Variants in CPED1 observed in about 807,000 individuals in gnomAD.
The protein encoded by CPED1 is cadherin-like and PC-esterase domain-containing protein 1.
In CPED1, 114 loss-of-function variants were observed where a neutral mutation model predicts 128.2. The ratio of observed to expected loss-of-function variants is 0.89; its 90% CI spans 0.76 to 1.04. The LOEUF (loss-of-function observed/expected upper bound fraction) is 1.04, where lower values mean the gene tolerates loss of function less well. CPED1 is among the 50% of genes least tolerant of loss of function. The pLI is 0.00. For missense variants in CPED1, 1,211 were observed against 1,207.1 expected, an observed-to-expected ratio of 1.00 and a Z score of -0.05; for synonymous variants, 462 against 426.7, an observed-to-expected ratio of 1.08 and a Z score of -1.02.
At chr7:121,166,011 A>G (rs1796514111) in intron 16 of CPED1, among the ~76,000 whole-genome samples, 1 of 152,202 alleles carries the variant, frequency 6.6e-6, no homozygotes, top group Admixed American at 6.5e-5. Flanking sequence ...ACAAATCAAC[A>G]TCCTTCTTAT....
At chr7:121,119,712 CCTTT>C (rs754474780) in intron 7 of CPED1, among the ~76,000 whole-genome samples, 1 of 151,808 alleles carries the variant, frequency 6.6e-6, no homozygotes, top group Non-Finnish European at 1.5e-5. Flanking sequence ...GTATCATAAT[CCTTT>C]CTAAGTGTAT....
At chr7:121,168,157 G>A (rs370807231) in intron 16 of CPED1, among the ~76,000 whole-genome samples, 5 of 152,192 alleles carry the variant, frequency 3.3e-5, no homozygotes, top group African/African-American at 7.2e-5. Flanking sequence ...CTATCATAGC[G>A]GGAGGCTCTC....
In CPED1 at chr7:121,265,301, G is replaced by A. The variant is rs1453657575; in HGVS notation, c.2311-926G>A. Reference sequence around the variant, plus strand: ...TGAATCCTGGGTTCTCCATTTAGTAGATTTATGTCCTCCATCTTCCTGACC... The same window carrying A: ...TGAATCCTGGGTTCTCCATTTAGTAAATTTATGTCCTCCATCTTCCTGACC... On this transcript the variant is annotated intron_variant, in intron 18 of 22. Coordinates refer to ENST00000310396, the MANE Select transcript of CPED1 (RefSeq NM_024913.5). Among the ~76,000 whole-genome samples, 3 of 151,998 alleles carry A rather than the reference G, an allele frequency of 2.0e-5. No homozygotes were observed. In the East Asian group the frequency reaches 5.8e-4, roughly 29 times the overall value.
intron 5 of CPED1, among the ~76,000 whole-genome samples, chr7:121,094,613 A>G (rs1315413577): frequency 1.3e-5 from 2 of 152,154 alleles, no homozygotes; most frequent in African/African-American, 4.8e-5. Flanking sequence ...GTTCAGTGAT[A>G]TGGGAAGTTC....
At chr7:121,248,287 G>A (rs1798584327) in intron 18 of CPED1, among the ~76,000 whole-genome samples, 1 of 152,186 alleles carries the variant, frequency 6.6e-6, no homozygotes, top group Admixed American at 6.5e-5. Context: ...GAAAGAATGT[G>A]GCCTATCTCC....
At chr7:121,112,606 T>C (rs1003824770) in intron 7 of CPED1, among the ~76,000 whole-genome samples, 2 of 152,206 alleles carry the variant, frequency 1.3e-5, no homozygotes, top group African/African-American at 4.8e-5. Flanking sequence ...TAAATTTCTC[T>C]AGTTTTAAAT....
At chr7:121,039,142 A>G (rs924230675) in intron 3 of CPED1, among the ~76,000 whole-genome samples, 15 of 152,094 alleles carry the variant, frequency 9.9e-5, no homozygotes, top group Admixed American at 3.9e-4. Flanking sequence ...ATTCTTCTGC[A>G]TGAGAGATTT....
At chr7:121,119,778 C>G (rs1795343285) in intron 7 of CPED1, among the ~76,000 whole-genome samples, 1 of 151,974 alleles carries the variant, frequency 6.6e-6, no homozygotes, top group Non-Finnish European at 1.5e-5. Context: ...ATCTCTAGAA[C>G]TTTTTGCACA....
At chr7:121,142,183 G>A (rs1795921461) in intron 16 of CPED1, 42 bp downstream of exon 16, 2 of 1,519,962 alleles carry the variant, frequency 1.3e-6, no homozygotes, top group Non-Finnish European at 1.8e-6. Context: ...AATTGGGAAT[G>A]ATCTGTTAAC....
chr7:121,218,402 T>C (rs1797807270), intron 16 of CPED1, among the ~76,000 whole-genome samples: 1 of 152,052 alleles, frequency 6.6e-6, no homozygotes, highest in Admixed American at 6.6e-5. Context: ...CACTCAAGCA[T>C]AACATTCCCC....
chr7:121,021,151 AG>A (rs1170247481), intron 3 of CPED1, among the ~76,000 whole-genome samples: 2 of 151,932 alleles, frequency 1.3e-5, no homozygotes, highest in Non-Finnish European at 2.9e-5. Flanking sequence ...ACTCCTAATA[AG>A]GACACTCTTA....
rs564593050 is a variant in CPED1 at position 121,241,240 on chromosome 7, T to C, written c.2174-2962T>C. Among the ~76,000 whole-genome samples the C allele has an allele frequency of 6.0e-3, 526 of 87,936 alleles. 79 individuals are homozygous for C. Among genetic ancestry groups the C allele is most frequent in the Non-Finnish European group, 0.011 (453 of 41,570 alleles). 57.7% of individuals were successfully genotyped at this position (87,936 alleles called of 152,430 possible). A position where few individuals can be genotyped will look rare whatever the true frequency, so the allele number is the denominator to read the frequency against. The stretch of plus-strand genomic sequence containing the variant: ...GCGGGCGCCTGTAGTCCCAGCTACT[T>C]GGGAGGCTGAGGCAGGAGAATGGCG... On this transcript the variant is annotated intron_variant, in intron 17 of 22. Coordinates refer to ENST00000310396, the MANE Select transcript of CPED1 (RefSeq NM_024913.5).
chr7:121,076,706 C>T (rs1017799292), intron 5 of CPED1: 1 of 152,098 alleles, frequency 6.6e-6, no homozygotes, highest in Non-Finnish European at 1.5e-5. Flanking sequence ...TATAGATTAG[C>T]TCTCTGGGAA....
chr7:121,130,111 T>G lies in CPED1; in HGVS notation c.1408-14T>G. The G allele has an allele frequency of 6.2e-7, 1 of 1,602,136 alleles. No homozygotes were observed. Among genetic ancestry groups the G allele is most frequent in the Non-Finnish European group, 8.5e-7 (1 of 1,169,940 alleles). On this transcript the variant is annotated splice_polypyrimidine_tract_variant and intron_variant, in intron 11 of 22. Coordinates refer to ENST00000310396, the MANE Select transcript of CPED1 (RefSeq NM_024913.5). ...TTGTTTTCCATAACTTATACTGATA[T>G]TTTGTGTTCTCAGCTCTTCCCATCT...
At chr7:121,112,387 GAC>G (rs1459255495) in intron 7 of CPED1, among the ~76,000 whole-genome samples, 2 of 152,078 alleles carry the variant, frequency 1.3e-5, no homozygotes, top group Non-Finnish European at 2.9e-5. Context: ...CAGAAGAGAA[GAC>G]ACACAAAGGA....
At chr7:121,248,945 A>G (rs1798603029) in intron 18 of CPED1, among the ~76,000 whole-genome samples, 3 of 152,224 alleles carry the variant, frequency 2.0e-5, no homozygotes, top group Non-Finnish European at 4.4e-5. Flanking sequence ...AAATGATTCA[A>G]GAGTTCAAAG....
chr7:121,075,124 G>A (rs1217618209), intron 5 of CPED1, among the ~76,000 whole-genome samples: 1 of 152,078 alleles, frequency 6.6e-6, no homozygotes, highest in Non-Finnish European at 1.5e-5. Context: ...TGAGTCCTAC[G>A]GTGTTATTCA....
At chr7:121,020,063 G>T (rs1391542507) in intron 3 of CPED1, among the ~76,000 whole-genome samples, 2 of 151,908 alleles carry the variant, frequency 1.3e-5, no homozygotes, top group African/African-American at 4.8e-5. Context: ...GCAATTTTCT[G>T]TCAATTTCTG....
At chr7:121,260,058 T>C (rs1020675190) in intron 18 of CPED1, among the ~76,000 whole-genome samples, 1 of 151,732 alleles carries the variant, frequency 6.6e-6, no homozygotes, top group Admixed American at 6.6e-5. Flanking sequence ...AAGGAAAGAG[T>C]GCACCTCACT....
Sources: allele counts gnomAD v4.1 joint callset (sites outside exome capture counted in the v4.1 genomes callset), GRCh38; gene constraint gnomAD v4.1.1; transcripts MANE v1.5; gene names NCBI Gene and HGNC (gene_info 2026-07-23, HGNC 2026-07-21).